The following NPFFR2 variants were observed in gnomAD, a reference collection of about 807,000 sequenced individuals.
NPFFR2 encodes neuropeptide FF receptor 2, also known as G-protein coupled receptor 74.
NPFFR2 carries 15 observed loss-of-function variants against 13.1 expected under a neutral mutation model. That is an observed-to-expected ratio of 1.15 (90% CI 0.77 to 1.76). The LOEUF (loss-of-function observed/expected upper bound fraction) is 1.76, where lower values mean the gene tolerates loss of function less well. Ranked by LOEUF, NPFFR2 falls within the 40% of genes most tolerant of loss-of-function variation. The pLI, the probability that NPFFR2 is intolerant of heterozygous loss-of-function variation, is 0.00. For missense variants in NPFFR2, 572 were observed against 503.5 expected (o/e 1.14, Z -1.30); for synonymous variants, 190 against 175.7 (o/e 1.08, Z -0.65).
At position 72,068,129 on chromosome 4, in the gene NPFFR2, T is replaced by C. The variant is rs148255038; in HGVS notation, c.-8+35929T>C. Among the ~76,000 whole-genome samples, 7 of 152,366 alleles carry C rather than the reference T, an allele frequency of 4.6e-5. No homozygotes were observed. In the East Asian group the frequency reaches 1.2e-3, roughly 25 times the overall value. ...ATAGCAACACCCACTTCTTTGGTAC[T>C]GATTTCTCTCTTAGTCCATTTTTAT... On this transcript the variant is annotated intron_variant, in intron 1 of 3. Coordinates refer to ENST00000308744, the MANE Select transcript of NPFFR2 (RefSeq NM_004885.3).
intron 3 of NPFFR2, among the ~76,000 whole-genome samples, chr4:72,143,632 C>T (rs192434424): frequency 1.4e-3 from 207 of 152,244 alleles, no homozygotes; most frequent in Non-Finnish European, 2.4e-4. Flanking sequence ...CCCCTTGGCC[C>T]AGTCAAGTCG....
intron 3 of NPFFR2, among the ~76,000 whole-genome samples, chr4:72,138,950 C>T (rs1421105965): frequency 2.6e-5 from 4 of 152,106 alleles, no homozygotes; most frequent in Non-Finnish European, 5.9e-5. Flanking sequence ...TAATGATGAC[C>T]TTTCTAACTG....
intron 1 of NPFFR2, among the ~76,000 whole-genome samples, chr4:72,093,358 G>A (rs1720965367): frequency 6.6e-6 from 1 of 152,130 alleles, no homozygotes; most frequent in Non-Finnish European, 1.5e-5. Flanking sequence ...TGAGCTTCTT[G>A]TATTTGGATG....
rs139623117 is a variant in NPFFR2 at position 72,086,298 on chromosome 4, C to G, written c.-7-42287C>G. ...TTTTGCAGTGTGGTAATGGTTTCAG[C>G]TTTCTTAAGCTCTCCTAAGTAGGTA... is the stretch of plus-strand genomic sequence containing the variant. On this transcript the variant is annotated intron_variant, in intron 1 of 3. Coordinates refer to ENST00000308744, the MANE Select transcript of NPFFR2 (RefSeq NM_004885.3). Among the ~76,000 whole-genome samples the G allele has an allele frequency of 1.4e-4, 22 of 152,160 alleles. No individual in the cohort carries two copies. The East Asian group carries it at 4.2e-3, about 29-fold the overall frequency.
rs538404437 is a variant in NPFFR2 at position 72,146,883 on chromosome 4, G to A, written c.429-95G>A. ...TTTCTATATTTTTGAGGAGACTGTA[G>A]GGTGAGAGGCCTGTAACTACATAAA... is the stretch of plus-strand genomic sequence containing the variant. On this transcript the variant is annotated intron_variant, in intron 3 of 3. Transcript: ENST00000308744. The A allele has an allele frequency of 6.7e-5, 53 of 788,048 alleles. 1 individual carries two copies. Among genetic ancestry groups the A allele is most frequent in the Non-Finnish European group, 6.3e-6 (3 of 476,644 alleles). The allele number at this position is 788,048 out of a possible 1,614,324, so 48.8% of individuals were successfully genotyped here. A position where few individuals can be genotyped will look rare whatever the true frequency, so the allele number is the denominator to read the frequency against.
intron 1 of NPFFR2, among the ~76,000 whole-genome samples, chr4:72,092,666 A>G (rs566798904): frequency 1.3e-4 from 19 of 151,626 alleles, no homozygotes; most frequent in South Asian, 6.3e-4. Flanking sequence ...ACTCCTGCTC[A>G]TTTTGGTGTT....
chr4:72,071,110 A>T (rs1720241150), intron 1 of NPFFR2, among the ~76,000 whole-genome samples: 2 of 152,208 alleles, frequency 1.3e-5, no homozygotes, highest in Admixed American at 1.3e-4. Flanking sequence ...CATCATCTTC[A>T]GAAAGTATGA....
At chr4:72,121,678 A>T (rs922363702) in intron 1 of NPFFR2, among the ~76,000 whole-genome samples, 2 of 152,316 alleles carry the variant, frequency 1.3e-5, no homozygotes, top group African/African-American at 4.8e-5. Flanking sequence ...GAGAAATAAA[A>T]TCCTTTACAG....
chr4:72,109,579 A>T (rs1335870317), intron 1 of NPFFR2, among the ~76,000 whole-genome samples: 1 of 152,016 alleles, frequency 6.6e-6, no homozygotes, highest in African/African-American at 2.4e-5. Flanking sequence ...GAAGCAGATA[A>T]TAATTCTGGA....
At chr4:72,130,126 T>G (rs967153426) in intron 2 of NPFFR2, among the ~76,000 whole-genome samples, 4 of 151,402 alleles carry the variant, frequency 2.6e-5, no homozygotes, top group African/African-American at 9.7e-5. Flanking sequence ...CAAAATGGAG[T>G]CTCCTATGTC....
At chr4:72,107,001 T>C (rs1324430011) in intron 1 of NPFFR2, among the ~76,000 whole-genome samples, 1 of 151,876 alleles carries the variant, frequency 6.6e-6, no homozygotes, top group Non-Finnish European at 1.5e-5. Context: ...GTTGTCCCCA[T>C]TTCTTGTATT....
intron 1 of NPFFR2, among the ~76,000 whole-genome samples, chr4:72,057,693 C>T (rs1719793239): frequency 6.6e-6 from 1 of 151,876 alleles, no homozygotes. Context: ...GGAGGAGTCA[C>T]AAACCAATGC....
chr4:72,044,879 G>A (rs947806552), intron 1 of NPFFR2, among the ~76,000 whole-genome samples: 1 of 151,810 alleles, frequency 6.6e-6, no homozygotes, highest in Non-Finnish European at 1.5e-5. Context: ...TTCCTTTGCT[G>A]TGCAGAAGCT....
intron 1 of NPFFR2, among the ~76,000 whole-genome samples, chr4:72,089,266 T>C (rs1720850459): frequency 6.6e-6 from 1 of 152,166 alleles, no homozygotes; most frequent in Admixed American, 6.6e-5. Flanking sequence ...TTTTTGCAAT[T>C]GCGAGTTGTA....
intron 1 of NPFFR2, among the ~76,000 whole-genome samples, chr4:72,061,846 C>T (rs970053264): frequency 6.6e-6 from 1 of 152,012 alleles, no homozygotes; most frequent in African/African-American, 2.4e-5. Flanking sequence ...CAGAGCTTAA[C>T]ACCTAGATAA....
At chr4:72,117,947 AC>A (rs1449436250) in intron 1 of NPFFR2, among the ~76,000 whole-genome samples, 1 of 152,210 alleles carries the variant, frequency 6.6e-6, no homozygotes, top group Non-Finnish European at 1.5e-5. Flanking sequence ...GAGTAAGGTA[AC>A]AAAAAAGTAA....
rs542161656 is a variant in NPFFR2 at position 72,139,832 on chromosome 4, T to C, written c.428+1693T>C. ...AGCTTGATGGAGATGGCATTGAATC[T>C]ATAAATTACCTTGGGCAGTATGGTC... is the stretch of plus-strand genomic sequence containing the variant. On this transcript the variant is annotated intron_variant, in intron 3 of 3. Transcript: ENST00000308744. 1.2e-3 allele frequency among the ~76,000 whole-genome samples: 179 copies of C among 152,350 alleles called. 1 individual carries two copies. Among genetic ancestry groups the C allele is most frequent in the Non-Finnish European group, 2.3e-3 (157 of 68,034 alleles).
At chr4:72,096,576 C>T (rs1356400420) in intron 1 of NPFFR2, among the ~76,000 whole-genome samples, 1 of 152,000 alleles carries the variant, frequency 6.6e-6, no homozygotes, top group African/African-American at 2.4e-5. Context: ...TCTTTTCGAG[C>T]ATCTACTTTT....
At chr4:72,131,542 C>G (rs907228356) in intron 2 of NPFFR2, among the ~76,000 whole-genome samples, 1 of 151,740 alleles carries the variant, frequency 6.6e-6, no homozygotes, top group Non-Finnish European at 1.5e-5. Flanking sequence ...CACATGTATA[C>G]ATATGTAACT....
Sources: gnomAD v4.1 joint callset for allele counts (sites outside exome capture counted in the v4.1 genomes callset) on GRCh38, gnomAD v4.1.1 for gene constraint, MANE v1.5 for transcripts, NCBI Gene and HGNC (gene_info 2026-07-23, HGNC 2026-07-21) for gene names.